LRP1B: variants seen among roughly 807,000 people sequenced by gnomAD.
LRP1B encodes low-density lipoprotein receptor-related protein 1B.
Under a neutral mutation model 556.6 loss-of-function variants are expected in LRP1B, and 217 were observed. That is an observed-to-expected ratio of 0.39 (90% CI 0.35 to 0.44). LRP1B has a LOEUF of 0.44. LRP1B is among the 20% of genes least tolerant of loss of function. LRP1B has a pLI of 1.00. For missense variants in LRP1B, 5,053 were observed against 5,620.8 expected (o/e 0.90, Z 3.23); for synonymous variants, 2,047 against 1,865.8 (o/e 1.10, Z -2.50).
chr2:141,934,613 CAT>C lies in LRP1B; in HGVS notation c.83-124214_83-124213del, dbSNP rs952351227. ...AGAACTCTGGCTCCCATAATCCCCA[CAT>C]GTTGTGGGAGGGACCAGGTGGAGAT... On this transcript the variant is annotated intron_variant, in intron 1 of 90. Transcript: ENST00000389484. Among the ~76,000 whole-genome samples, 117 of 152,278 alleles carry C rather than the reference CAT, an allele frequency of 7.7e-4. 1 individual carries two copies. The highest frequency in any genetic ancestry group is 2.7e-3 in the African/African-American group (114 of 41,556).
At chr2:141,933,380 C>A (rs1027003237) in intron 1 of LRP1B, among the ~76,000 whole-genome samples, 3 of 152,038 alleles carry the variant, frequency 2.0e-5, no homozygotes, top group African/African-American at 7.2e-5. Flanking sequence ...CTAAAAGGAG[C>A]ACTATTTCAT....
chr2:141,700,383 C>T (rs547171653), intron 2 of LRP1B, among the ~76,000 whole-genome samples: 28 of 151,768 alleles, frequency 1.8e-4, no homozygotes, highest in Non-Finnish European at 3.4e-4. Flanking sequence ...AAGGAAAACA[C>T]AAGAAGAAGC....
chr2:140,902,473 C>T (rs1259924496), intron 23 of LRP1B, among the ~76,000 whole-genome samples: 1 of 151,888 alleles, frequency 6.6e-6, no homozygotes, highest in Non-Finnish European at 1.5e-5. Context: ...TTTGCCTTTC[C>T]CACTGTGAAA....
intron 3 of LRP1B, among the ~76,000 whole-genome samples, chr2:141,407,619 C>T (rs1296768766): frequency 1.3e-5 from 2 of 152,100 alleles, no homozygotes; most frequent in African/African-American, 2.4e-5. Context: ...CCCCACCACT[C>T]TCTCTCACTT....
chr2:140,352,576 C>CT (rs1156758282), intron 76 of LRP1B, among the ~76,000 whole-genome samples: 1 of 152,040 alleles, frequency 6.6e-6, no homozygotes, highest in East Asian at 1.9e-4. Flanking sequence ...CTCAAAATTC[C>CT]TTTCTCCTTA....
intron 32 of LRP1B, among the ~76,000 whole-genome samples, chr2:140,812,928 A>G (rs1690977952): frequency 6.6e-6 from 1 of 152,152 alleles, no homozygotes; most frequent in Admixed American, 6.5e-5. Context: ...ATCAATATTC[A>G]GCCATCCTCA....
At chr2:141,065,849 A>T (rs1448410603) in intron 7 of LRP1B, among the ~76,000 whole-genome samples, 8 of 151,944 alleles carry the variant, frequency 5.3e-5, no homozygotes, top group African/African-American at 1.9e-4. Context: ...CGCACCAGGA[A>T]CCAAGGGCCC....
Position 140,356,206 on chromosome 2 carries a change from C to T in LRP1B, c.11530+136G>A, listed in dbSNP as rs1033291558. On this transcript the variant is annotated intron_variant, in intron 75 of 90. Coordinates refer to ENST00000389484, the MANE Select transcript of LRP1B (RefSeq NM_018557.3). ...TCTTGACCCCAGAGACTTTCATTCT[C>T]ATAAGTGAAATGGTATCCCGTAGAT... 48 of 876,488 alleles carry T rather than the reference C, an allele frequency of 5.5e-5. No homozygotes were observed. The Admixed American group carries it at 1.2e-3, about 22-fold the overall frequency. 54.3% of individuals were successfully genotyped at this position (876,488 alleles called of 1,614,324 possible).
intron 31 of LRP1B, among the ~76,000 whole-genome samples, chr2:140,824,765 C>T (rs180920184): frequency 1.5e-4 from 23 of 152,208 alleles, no homozygotes; most frequent in African/African-American, 5.1e-4. Context: ...TCACCAAGTA[C>T]GCACTTCCAG....
chr2:140,443,819 A>G (rs910522598), intron 65 of LRP1B, among the ~76,000 whole-genome samples: 3 of 152,246 alleles, frequency 2.0e-5, no homozygotes, highest in African/African-American at 4.8e-5. Flanking sequence ...GTTTGTTAAG[A>G]TACGTTAAAT....
At chr2:140,583,019 G>T (rs1486035043) in intron 43 of LRP1B, among the ~76,000 whole-genome samples, 1 of 152,152 alleles carries the variant, frequency 6.6e-6, no homozygotes, top group South Asian at 2.1e-4. Context: ...TCAATGAGCA[G>T]AATTATCATG....
chr2:140,515,276 C>T (rs1030495039), intron 50 of LRP1B, among the ~76,000 whole-genome samples: 7 of 151,902 alleles, frequency 4.6e-5, no homozygotes, highest in Non-Finnish European at 1.0e-4. Flanking sequence ...CAGTTTTGTA[C>T]GTAGCAACTG....
At chr2:140,549,487 C>A (rs1404973588) in intron 43 of LRP1B, among the ~76,000 whole-genome samples, 1 of 152,152 alleles carries the variant, frequency 6.6e-6, no homozygotes, top group Non-Finnish European at 1.5e-5. Flanking sequence ...CCACTACAGC[C>A]TATCTGTCCA....
rs1244704537 is a variant in LRP1B at position 140,418,001 on chromosome 2, A to G, written c.10414+24503T>C. Among the ~76,000 whole-genome samples the G allele has an allele frequency of 2.0e-5, 3 of 152,314 alleles. No homozygotes were observed. The East Asian group carries it at 5.8e-4, about 29-fold the overall frequency. On this transcript the variant is annotated intron_variant, in intron 66 of 90. Transcript: ENST00000389484. ...GTTTTTGAGTTATGAGAGCAACTTC[A>G]GAGATTTCTTTTAGAAAACCACTGG...
At position 141,795,857 on chromosome 2, in the gene LRP1B, AATATATATATATATAT is replaced by A. The variant is rs1198211801; in HGVS notation, c.205+14406_205+14421del. Among the ~76,000 whole-genome samples, 41 of 51,612 alleles carry A rather than the reference AATATATATATATATAT, an allele frequency of 7.9e-4. 1 individual carries two copies. The highest frequency in any genetic ancestry group is 3.0e-3 in the Admixed American group (13 of 4,374). The allele number at this position is 51,612 out of a possible 152,430, so 33.9% of individuals were successfully genotyped here. ...GAAATAGAGAATGAAAACCAGGAGCAATATATATATATATATATATATATATATATATATATATATA... is the reference window on the plus strand; with the variant it reads ...GAAATAGAGAATGAAAACCAGGAGCAATATATATATATATATATATATATA... On this transcript the variant is annotated intron_variant, in intron 2 of 90. Coordinates refer to ENST00000389484, the MANE Select transcript of LRP1B (RefSeq NM_018557.3).
intron 3 of LRP1B, among the ~76,000 whole-genome samples, chr2:141,352,909 T>C (rs763909080): frequency 6.6e-6 from 1 of 151,950 alleles, no homozygotes; most frequent in Non-Finnish European, 1.5e-5. Context: ...GTTTATATAT[T>C]TATATTCAAA....
intron 2 of LRP1B, among the ~76,000 whole-genome samples, chr2:141,690,442 A>T (rs1382479573): frequency 2.2e-3 from 184 of 82,120 alleles, no homozygotes; most frequent in Non-Finnish European, 3.9e-3. Context: ...TATATATATA[A>T]TTACAAATAT....
In LRP1B at chr2:140,908,045, C is replaced by T. The variant is rs2105232371; in HGVS notation, c.3352G>A (p.Gly1118Arg). ...RCINKAWVCD[G>R]DIDCEDQSDE... Reference sequence around the variant, plus strand: ...GACTGATCTTCGCAATCAATATCTCCATCACACACCCATGCTTTGTTGATG... The same window carrying T: ...GACTGATCTTCGCAATCAATATCTCTATCACACACCCATGCTTTGTTGATG... Residue 1118 changes from glycine (G) to arginine (R), a missense_variant, in exon 22 of 91, where the codon GGA becomes AGA. This residue lies in a region of LRP1B where 3,619 missense variants were observed against 3,931.9 expected (regional missense o/e 0.92). Transcript: ENST00000389484. 1.9e-6 allele frequency: 3 copies of T among 1,613,334 alleles called. No individual in the cohort carries two copies. Among genetic ancestry groups the T allele is most frequent in the Non-Finnish European group, 2.5e-6 (3 of 1,179,588 alleles).
intron 60 of LRP1B, among the ~76,000 whole-genome samples, chr2:140,466,153 T>G (rs1573970190): frequency 6.8e-6 from 1 of 147,806 alleles, no homozygotes; most frequent in Non-Finnish European, 1.5e-5. Context: ...TGGGCTACAG[T>G]GGATATCTAA....
Sources: gnomAD v4.1 joint callset for allele counts (sites outside exome capture counted in the v4.1 genomes callset) on GRCh38, gnomAD v4.1.1 for gene constraint, gnomAD v4.1.1 regional missense constraint, MANE v1.5 for transcripts, NCBI Gene and HGNC (gene_info 2026-07-23, HGNC 2026-07-21) for gene names.